The following FHL2 variants were observed in gnomAD, a reference collection of about 807,000 sequenced individuals.
FHL2 encodes four and a half LIM domains 2.
FHL2 carries 20 observed loss-of-function variants against 32.7 expected under a neutral mutation model. The ratio of observed to expected loss-of-function variants is 0.61; its 90% CI spans 0.43 to 0.89. FHL2 has a LOEUF of 0.89. Ranked by LOEUF, FHL2 falls within the 40% of genes least tolerant of loss-of-function variation. The pLI is 0.00. For synonymous variants in FHL2, 123 were observed against 128.1 expected (o/e 0.96, Z 0.27); for missense variants, 311 against 358.6 (o/e 0.87, Z 1.07).
chr2:105,400,978 C>A (rs1462332892), upstream of FHL2, among the ~76,000 whole-genome samples: 1 of 149,542 alleles, frequency 6.7e-6, no homozygotes, highest in Admixed American at 6.7e-5. Flanking sequence ...AACAACGATG[C>A]ACAAAGAAAA....
chr2:105,401,821 G>A (rs1483936358), upstream of FHL2, among the ~76,000 whole-genome samples: 1 of 152,094 alleles, frequency 6.6e-6, no homozygotes, highest in African/African-American at 2.4e-5. Context: ...TTGTGTTCAT[G>A]AGCAAAGAAA....
chr2:105,418,452 A>G (rs1024550962), intron 1 of FHL2, among the ~76,000 whole-genome samples: 2 of 152,052 alleles, frequency 1.3e-5, no homozygotes, highest in Non-Finnish European at 2.9e-5. Context: ...CAAAAAACCC[A>G]TTTTAATCTC....
intron 1 of FHL2, among the ~76,000 whole-genome samples, chr2:105,430,383 T>A (rs1369303630): frequency 1.3e-5 from 2 of 152,022 alleles, no homozygotes; most frequent in African/African-American, 4.8e-5. Context: ...AACCTAGAAA[T>A]AGGCCAGGCG....
intron 1 of FHL2, among the ~76,000 whole-genome samples, chr2:105,417,371 A>G (rs1004707524): frequency 6.9e-6 from 1 of 145,596 alleles, no homozygotes; most frequent in African/African-American, 2.6e-5. Flanking sequence ...ACAGAGCTAG[A>G]CTCCATCTCA....
intron 2 of FHL2, among the ~76,000 whole-genome samples, chr2:105,394,041 T>A (rs1434922640): frequency 6.6e-6 from 1 of 152,178 alleles, no homozygotes; most frequent in Non-Finnish European, 1.5e-5. Flanking sequence ...TACAGACATG[T>A]GATGCCTATA....
At chr2:105,366,059 A>C (rs934783747) in intron 5 of FHL2, among the ~76,000 whole-genome samples, 8 of 151,288 alleles carry the variant, frequency 5.3e-5, no homozygotes, top group African/African-American at 9.7e-5. Flanking sequence ...TACAAAAAAA[A>C]CCGGCTGGGC....
chr2:105,399,711 C>T (rs751314126), upstream of FHL2: 27 of 1,298,048 alleles, frequency 2.1e-5, no homozygotes, highest in Non-Finnish European at 2.6e-5. Flanking sequence ...GGGCCCTCTG[C>T]GTGACGCTGA....
At chr2:105,428,367 G>A (rs1014404639) in intron 1 of FHL2, among the ~76,000 whole-genome samples, 7 of 152,302 alleles carry the variant, frequency 4.6e-5, no homozygotes, top group Non-Finnish European at 7.4e-5. Context: ...CTCATCTCCA[G>A]CTTCTAGTTT....
upstream of FHL2, among the ~76,000 whole-genome samples, chr2:105,401,839 G>A (rs1683475046): frequency 6.6e-6 from 1 of 152,012 alleles, no homozygotes; most frequent in African/African-American, 2.4e-5. Context: ...AAAGGACGGG[G>A]GAAGACAATG....
At chr2:105,387,164 C>G (rs1205355209) in intron 2 of FHL2, among the ~76,000 whole-genome samples, 1 of 152,210 alleles carries the variant, frequency 6.6e-6, no homozygotes, top group African/African-American at 2.4e-5. Context: ...AGCCCCCATC[C>G]TGTCCGGCTG....
At chr2:105,366,467 C>T (rs1680641254) in intron 5 of FHL2, among the ~76,000 whole-genome samples, 1 of 152,156 alleles carries the variant, frequency 6.6e-6, no homozygotes, top group East Asian at 1.9e-4. Flanking sequence ...CCACAGCTGG[C>T]GCTGCCCAGG....
intron 2 of FHL2, 106 bp from the exon 3 acceptor site, chr2:105,386,646 G>A: frequency 1.1e-6 from 1 of 906,902 alleles, no homozygotes; most frequent in Non-Finnish European, 1.7e-6. Context: ...CCGAAAGGTG[G>A]CTAATTCCTC....
intron 3 of FHL2, chr2:105,385,788 T>C (rs1682262933): frequency 6.5e-6 from 1 of 153,254 alleles, no homozygotes; most frequent in African/African-American, 2.4e-5. Flanking sequence ...CAGTGGTCTT[T>C]GCTGAACCAC....
chr2:105,402,301 C>T (rs1300073857), upstream of FHL2, among the ~76,000 whole-genome samples: 1 of 151,600 alleles, frequency 6.6e-6, no homozygotes, highest in Non-Finnish European at 1.5e-5. Context: ...TGCTGGAGTA[C>T]AGTGGCACTG....
upstream of FHL2, chr2:105,399,140 G>T (rs1683357488): frequency 2.9e-6 from 4 of 1,372,322 alleles, no homozygotes; most frequent in African/African-American, 3.1e-5. Context: ...CTGGCACCGG[G>T]CGTGGGGCGC....
chr2:105,430,811 A>G (rs1352141036), intron 1 of FHL2, among the ~76,000 whole-genome samples: 1 of 152,216 alleles, frequency 6.6e-6, no homozygotes, highest in Admixed American at 6.5e-5. Flanking sequence ...GTCTGGGAGA[A>G]AAGACTGCCC....
At chr2:105,394,200 G>A (rs879007364) in intron 2 of FHL2, among the ~76,000 whole-genome samples, 9 of 152,074 alleles carry the variant, frequency 5.9e-5, no homozygotes, top group African/African-American at 9.7e-5. Flanking sequence ...CTAGCTAAAC[G>A]GGTTGTTTTA....
intron 1 of FHL2, among the ~76,000 whole-genome samples, chr2:105,427,811 C>T (rs1460874270): frequency 1.3e-5 from 2 of 152,094 alleles, no homozygotes; most frequent in Non-Finnish European, 2.9e-5. Context: ...AGAAGGGACC[C>T]CCTCTGACAG....
chr2:105,370,216 A>G (rs56033981), intron 4 of FHL2, among the ~76,000 whole-genome samples: 7 of 149,426 alleles, frequency 4.7e-5, no homozygotes, highest in African/African-American at 1.7e-4. Flanking sequence ...CTACCCCCCC[A>G]AAAAAAAAAT....
Sources: gnomAD v4.1 joint callset for allele counts (sites outside exome capture counted in the v4.1 genomes callset) on GRCh38, gnomAD v4.1.1 for gene constraint, MANE v1.5 for transcripts, NCBI Gene and HGNC (gene_info 2026-07-23, HGNC 2026-07-21) for gene names.